The following MCTP1 variants were observed in gnomAD, a reference collection of about 807,000 sequenced individuals.
MCTP1 encodes multiple C2 and transmembrane domain-containing protein 1.
Under a neutral mutation model 120.6 loss-of-function variants are expected in MCTP1, and 69 were observed. That is an observed-to-expected ratio of 0.57 (90% CI 0.47 to 0.70). The LOEUF is 0.70. MCTP1 is among the 30% of genes least tolerant of loss of function. The pLI is 0.00. For synonymous variants in MCTP1, 529 were observed against 493.1 expected, an observed-to-expected ratio of 1.07 and a Z score of -0.96; for missense variants, 1,203 against 1,248.8, an observed-to-expected ratio of 0.96 and a Z score of 0.55.
chr5:94,814,334 A>G (rs959050740), intron 17 of MCTP1, among the ~76,000 whole-genome samples: 1 of 152,232 alleles, frequency 6.6e-6, no homozygotes, highest in African/African-American at 2.4e-5. Flanking sequence ...ATGGTAAGGA[A>G]CCTTGGGTGT....
Position 94,912,554 on chromosome 5 carries a change from G to A in MCTP1, c.1521+252C>T, listed in dbSNP as rs192296426. Among the ~76,000 whole-genome samples the A allele has an allele frequency of 9.2e-4, 138 of 150,772 alleles. 1 individual carries two copies. The highest frequency in any genetic ancestry group is 3.4e-3 in the African/African-American group (138 of 40,994). ...GTTTTAATCCACAGAGCTATGCCAAGGGATAGTTCCAACTATTATTGCTAT... is the reference window on the plus strand; with the variant it reads ...GTTTTAATCCACAGAGCTATGCCAAAGGATAGTTCCAACTATTATTGCTAT... On this transcript the variant is annotated intron_variant, in intron 9 of 22. Coordinates refer to ENST00000515393, the MANE Select transcript of MCTP1 (RefSeq NM_024717.7).
intron 19 of MCTP1, among the ~76,000 whole-genome samples, chr5:94,761,530 G>C (rs1283256561): frequency 3.9e-5 from 6 of 152,206 alleles, no homozygotes; most frequent in Non-Finnish European, 8.8e-5. Context: ...CACCTTGTTT[G>C]TATAAATTTT....
At chr5:94,822,533 T>C (rs1437482556) in intron 17 of MCTP1, among the ~76,000 whole-genome samples, 1 of 152,186 alleles carries the variant, frequency 6.6e-6, no homozygotes, top group Non-Finnish European at 1.5e-5. Flanking sequence ...TGTGCATGTG[T>C]TTTTATAGTA....
intron 19 of MCTP1, 75 bp downstream of exon 19, chr5:94,779,035 T>C: frequency 7.4e-7 from 1 of 1,351,540 alleles, no homozygotes; most frequent in African/African-American, 1.4e-5. Context: ...ACTCCTTTTT[T>C]AACTGTCTGT....
chr5:94,923,659 C>T (rs911388179), intron 7 of MCTP1, among the ~76,000 whole-genome samples: 17 of 152,092 alleles, frequency 1.1e-4, no homozygotes, highest in African/African-American at 4.1e-4. Flanking sequence ...ATGGACCTTC[C>T]AGATGGCACC....
intron 1 of MCTP1, among the ~76,000 whole-genome samples, chr5:95,174,401 T>C (rs1747727935): frequency 6.6e-6 from 1 of 152,036 alleles, no homozygotes; most frequent in South Asian, 2.1e-4. Flanking sequence ...ATGCAAAGAA[T>C]GAGAAATCAA....
In MCTP1 at chr5:94,753,547, G is replaced by T. The variant is rs1213480173; in HGVS notation, c.2610+25563C>A. Among the ~76,000 whole-genome samples, 4 of 152,288 alleles carry T rather than the reference G, an allele frequency of 2.6e-5. No homozygotes were observed. In the East Asian group the frequency reaches 7.7e-4, roughly 29 times the overall value. Reference sequence around the variant, plus strand: ...CTAGGAAATTTCATTTATTTCCTTTGTTGTAATAATGATTGTGGTGTGTAG... The same window carrying T: ...CTAGGAAATTTCATTTATTTCCTTTTTTGTAATAATGATTGTGGTGTGTAG... On this transcript the variant is annotated intron_variant, in intron 19 of 22. Coordinates refer to ENST00000515393, the MANE Select transcript of MCTP1 (RefSeq NM_024717.7).
At chr5:94,710,095 ATAT>A (rs1359336398) in intron 21 of MCTP1, 2 of 152,104 alleles carry the variant, frequency 1.3e-5, no homozygotes, top group African/African-American at 2.4e-5. Flanking sequence ...TCTAGTTTAT[ATAT>A]TATTAATGTT....
intron 1 of MCTP1, among the ~76,000 whole-genome samples, chr5:95,120,788 T>C (rs766019516): frequency 9.2e-5 from 14 of 152,138 alleles, no homozygotes; most frequent in Non-Finnish European, 1.5e-4. Context: ...ACAAGGATGC[T>C]CATTTTCATG....
chr5:94,837,351 A>G (rs556827454), intron 17 of MCTP1, among the ~76,000 whole-genome samples: 83 of 152,312 alleles, frequency 5.4e-4, no homozygotes, highest in Non-Finnish European at 1.1e-3. Context: ...ACTGCACTCC[A>G]GCCTGGGCAA....
intron 1 of MCTP1, among the ~76,000 whole-genome samples, chr5:95,022,230 T>A (rs1838332207): frequency 6.6e-6 from 1 of 152,212 alleles, no homozygotes; most frequent in South Asian, 2.1e-4. Context: ...TTACTTTCAA[T>A]GCAATTACTT....
In MCTP1 at chr5:94,911,770, T is replaced by C. The variant is rs569455093; in HGVS notation, c.1521+1036A>G. ...CTAGACCCTTATTCATTATTACTTA[T>C]ATTACTAATATTATTGTTTAATACA... On this transcript the variant is annotated intron_variant, in intron 9 of 22. Transcript: ENST00000515393. 3.9e-5 allele frequency among the ~76,000 whole-genome samples: 6 copies of C among 152,242 alleles called. No individual in the cohort carries two copies. The South Asian group carries it at 1.2e-3, about 32-fold the overall frequency.
At chr5:95,218,865 A>G (rs1022466620) in intron 1 of MCTP1, among the ~76,000 whole-genome samples, 2 of 152,164 alleles carry the variant, frequency 1.3e-5, no homozygotes, top group African/African-American at 4.8e-5. Context: ...CACAATGGTA[A>G]CCATTTGTGT....
At chr5:94,863,176 T>G (rs1796142893) in intron 17 of MCTP1, among the ~76,000 whole-genome samples, 1 of 151,794 alleles carries the variant, frequency 6.6e-6, no homozygotes, top group Non-Finnish European at 1.5e-5. Context: ...TTACAAAATT[T>G]TAGGGAAATT....
At chr5:95,053,141 A>G (rs917237314) in intron 1 of MCTP1, among the ~76,000 whole-genome samples, 3 of 152,242 alleles carry the variant, frequency 2.0e-5, no homozygotes, top group African/African-American at 4.8e-5. Context: ...GAAATAAAAC[A>G]TACTTTGGAG....
intron 2 of MCTP1, among the ~76,000 whole-genome samples, chr5:95,007,131 A>G (rs543898179): frequency 8.5e-5 from 13 of 152,272 alleles, no homozygotes; most frequent in African/African-American, 2.6e-4. Context: ...AAAAGGGGGG[A>G]AAAGCCCCTT....
chr5:95,161,551 A>C (rs1410107890), intron 1 of MCTP1, among the ~76,000 whole-genome samples: 1 of 152,154 alleles, frequency 6.6e-6, no homozygotes. Flanking sequence ...AATTAATAAA[A>C]TGGATCGTAT....
At chr5:95,028,123 T>G (rs1839619432) in intron 1 of MCTP1, among the ~76,000 whole-genome samples, 1 of 152,114 alleles carries the variant, frequency 6.6e-6, no homozygotes, top group Non-Finnish European at 1.5e-5. Context: ...TCAACAAGAA[T>G]TGGGAGAAAA....
chr5:95,081,786 T>G lies in MCTP1; in HGVS notation c.721-64302A>C. The G allele has an allele frequency of 3.6e-6, 4 of 1,102,170 alleles. No individual in the cohort carries two copies. The South Asian group carries it at 1.3e-4, about 35-fold the overall frequency. The allele number at this position is 1,102,170 out of a possible 1,614,324, so 68.3% of individuals were successfully genotyped here. On this transcript the variant is annotated intron_variant, in intron 1 of 22. Transcript: ENST00000515393. The stretch of plus-strand genomic sequence containing the variant: ...TACATAACAAACATCATATCTGGGG[T>G]TCTAAAATACTCACATTAAATACTA...
Sources: allele counts gnomAD v4.1 joint callset (sites outside exome capture counted in the v4.1 genomes callset), GRCh38; gene constraint gnomAD v4.1.1; transcripts MANE v1.5; gene names NCBI Gene and HGNC (gene_info 2026-07-23, HGNC 2026-07-21).